CHN2: variants seen among roughly 807,000 people sequenced by gnomAD.
The protein encoded by CHN2 is chimerin 2, also known as beta-chimaerin.
CHN2 carries 35 observed loss-of-function variants against 56.3 expected under a neutral mutation model. That is an observed-to-expected ratio of 0.62 (90% CI 0.47 to 0.82). The LOEUF (loss-of-function observed/expected upper bound fraction) is 0.82, where lower values mean the gene tolerates loss of function less well. Among genes scored for constraint, CHN2 ranks in the 40% least tolerant of loss-of-function variants. CHN2 has a pLI of 0.00. For missense variants in CHN2, 491 were observed against 580.5 expected, an observed-to-expected ratio of 0.85 and a Z score of 1.58; for synonymous variants, 210 against 212.8, an observed-to-expected ratio of 0.99 and a Z score of 0.12.
At chr7:29,390,197 G>T (rs1162732929) in intron 3 of CHN2, among the ~76,000 whole-genome samples, 1 of 152,178 alleles carries the variant, frequency 6.6e-6, no homozygotes, top group African/African-American at 2.4e-5. Flanking sequence ...TGTAAAGAGA[G>T]GTGTTCCTTT....
At chr7:29,370,718 A>G (rs1238498676) in intron 3 of CHN2, among the ~76,000 whole-genome samples, 8 of 152,142 alleles carry the variant, frequency 5.3e-5, no homozygotes, top group Admixed American at 5.2e-4. Flanking sequence ...AAAGTGTGCA[A>G]TTAGAGAGAT....
intron 4 of CHN2, chr7:29,398,061 G>A (rs1354026524): frequency 8.6e-3 from 40 of 4,646 alleles, no homozygotes; most frequent in East Asian, 0.056. Context: ...AAAAAAAAGG[G>A]GGGGGGGGGG....
chr7:29,372,607 TG>T (rs1252108928), intron 3 of CHN2, among the ~76,000 whole-genome samples: 3 of 151,950 alleles, frequency 2.0e-5, no homozygotes, highest in Non-Finnish European at 4.4e-5. Flanking sequence ...TTCAAAATGA[TG>T]AAAAAAAAGG....
chr7:29,308,556 C>T (rs75403202), intron 1 of CHN2, among the ~76,000 whole-genome samples: 4,514 of 152,306 alleles, frequency 0.03, 95 homozygotes, highest in Middle Eastern at 0.044. Flanking sequence ...CTCTTTCCCC[C>T]GGTGCCTTCT....
intron 1 of CHN2, among the ~76,000 whole-genome samples, chr7:29,297,069 A>G (rs2128874165): frequency 6.6e-6 from 1 of 152,322 alleles, no homozygotes; most frequent in East Asian, 1.9e-4. Context: ...ACCATGAAAT[A>G]TTAGGCTCAA....
intron 2 of CHN2, among the ~76,000 whole-genome samples, chr7:29,177,515 C>T (rs958515062): frequency 1.3e-5 from 2 of 151,372 alleles, no homozygotes; most frequent in African/African-American, 2.4e-5. Flanking sequence ...TGGCCTCCCA[C>T]AGTGCTGGGA....
At chr7:29,268,701 G>C (rs997732710) in intron 1 of CHN2, among the ~76,000 whole-genome samples, 8 of 152,210 alleles carry the variant, frequency 5.3e-5, no homozygotes, top group Non-Finnish European at 8.8e-5. Flanking sequence ...CAGCTGGGCT[G>C]CTGGGAGCCA....
At chr7:29,422,572 G>A (rs1804455118) in intron 6 of CHN2, among the ~76,000 whole-genome samples, 1 of 152,234 alleles carries the variant, frequency 6.6e-6, no homozygotes, top group Non-Finnish European at 1.5e-5. Context: ...ACTTAGAGAA[G>A]CAGTTGCTGA....
At chr7:29,195,778 T>C (rs1013319852) in intron 1 of CHN2, among the ~76,000 whole-genome samples, 11 of 152,218 alleles carry the variant, frequency 7.2e-5, no homozygotes, top group African/African-American at 2.7e-4. Context: ...TCAGCTTTTC[T>C]ATGGTTGATC....
At chr7:29,395,766 G>T (rs1054545460) in intron 4 of CHN2, among the ~76,000 whole-genome samples, 4 of 152,150 alleles carry the variant, frequency 2.6e-5, no homozygotes, top group Admixed American at 2.0e-4. Context: ...CCACAGACTG[G>T]TCTTCAGGTG....
chr7:29,380,182 G>C (rs1800384113), intron 3 of CHN2, among the ~76,000 whole-genome samples: 1 of 151,958 alleles, frequency 6.6e-6, no homozygotes, highest in African/African-American at 2.4e-5. Flanking sequence ...CTCCTGGTGG[G>C]AGAATATATG....
intron 3 of CHN2, among the ~76,000 whole-genome samples, chr7:29,376,668 C>T (rs1189024686): frequency 1.3e-5 from 2 of 152,196 alleles, no homozygotes; most frequent in African/African-American, 4.8e-5. Context: ...ACTCAAGATG[C>T]TTTTGCCTCC....
intron 6 of CHN2, among the ~76,000 whole-genome samples, chr7:29,449,263 GA>G (rs986431635): frequency 1.3e-5 from 2 of 151,732 alleles, no homozygotes; most frequent in Non-Finnish European, 2.9e-5. Context: ...GTGAGTGTCT[GA>G]AAAAAAATAA....
At chr7:29,294,967 A>G (rs1792998487) in intron 1 of CHN2, among the ~76,000 whole-genome samples, 1 of 152,132 alleles carries the variant, frequency 6.6e-6, no homozygotes, top group Admixed American at 6.5e-5. Flanking sequence ...CATCCTCTGT[A>G]TCTTTGCAGG....
intron 9 of CHN2, among the ~76,000 whole-genome samples, chr7:29,500,435 G>T (rs1203613970): frequency 6.6e-6 from 1 of 152,126 alleles, no homozygotes; most frequent in Non-Finnish European, 1.5e-5. Context: ...AGACCAGCAT[G>T]GGCAACATAG....
At chr7:29,159,744 C>G (rs1794925307) in intron 2 of CHN2, among the ~76,000 whole-genome samples, 1 of 152,178 alleles carries the variant, frequency 6.6e-6, no homozygotes, top group African/African-American at 2.4e-5. Context: ...TCTGTCCTGT[C>G]TCTTCTTCAA....
intron 1 of CHN2, among the ~76,000 whole-genome samples, chr7:29,310,599 G>C (rs949085839): frequency 1.3e-5 from 2 of 152,186 alleles, no homozygotes; most frequent in Non-Finnish European, 2.9e-5. Flanking sequence ...TTAGATGACT[G>C]TCTTAGTTCA....
chr7:29,204,178 T>A lies in CHN2; in HGVS notation c.49+9188T>A, dbSNP rs561476776. Among the ~76,000 whole-genome samples the A allele has an allele frequency of 1.1e-4, 16 of 151,226 alleles. 1 individual carries two copies. The East Asian group carries it at 3.1e-3, about 30-fold the overall frequency. The stretch of plus-strand genomic sequence containing the variant: ...TCCTGCCATGGATAAGTATGTGGGT[T>A]TACATACACATCCACACATATCTGT... On this transcript the variant is annotated intron_variant, in intron 1 of 12. Coordinates refer to ENST00000222792, the MANE Select transcript of CHN2 (RefSeq NM_004067.4).
intron 7 of CHN2, among the ~76,000 whole-genome samples, chr7:29,495,086 A>G (rs536781875): frequency 7.5e-4 from 113 of 151,432 alleles, no homozygotes; most frequent in African/African-American, 2.6e-3. Flanking sequence ...TTTTGTGCAC[A>G]TTTGTATGGC....
Sources: gnomAD v4.1 joint callset for allele counts (sites outside exome capture counted in the v4.1 genomes callset) on GRCh38, gnomAD v4.1.1 for gene constraint, MANE v1.5 for transcripts, NCBI Gene and HGNC (gene_info 2026-07-23, HGNC 2026-07-21) for gene names.